CROCC2: variants seen among roughly 807,000 people sequenced by gnomAD.
CROCC2 encodes the protein ciliary rootlet coiled-coil, rootletin family member 2.
In CROCC2, 163 loss-of-function variants were observed where a neutral mutation model predicts 177.6. That is an observed-to-expected ratio of 0.92 (90% CI 0.81 to 1.05). The LOEUF (loss-of-function observed/expected upper bound fraction) is 1.05. Ranked by LOEUF, CROCC2 falls within the 50% of genes least tolerant of loss-of-function variation. The pLI is 0.00. For missense variants in CROCC2, 1,929 were observed against 1,797.8 expected (o/e 1.07, Z -1.32); for synonymous variants, 904 against 787.3 (o/e 1.15, Z -2.48).
At chr2:240,957,908 AC>A in intron 19 of CROCC2, 1 of 902,466 alleles carries the variant, frequency 1.1e-6, no homozygotes, top group Non-Finnish European at 1.3e-6. Context: ...GTGGGCAGGG[AC>A]CCAGGAAAGC....
intron 18 of CROCC2, chr2:240,954,642 G>A (rs1232402527): frequency 6.6e-6 from 1 of 152,260 alleles, no homozygotes; most frequent in Non-Finnish European, 1.5e-5. Flanking sequence ...TTTTATTGGG[G>A]TTTCACTGTG....
intron 3 of CROCC2, among the ~76,000 whole-genome samples, chr2:240,920,705 C>G (rs1445084581): frequency 2.0e-5 from 3 of 152,226 alleles, no homozygotes; most frequent in Non-Finnish European, 4.4e-5. Context: ...GGCTGTAGTG[C>G]CTTCCAGGGT....
chr2:240,989,631 A>G, intron 29 of CROCC2, 23 bp from the exon 30 acceptor site: 1 of 1,528,688 alleles, frequency 6.5e-7, no homozygotes, highest in Non-Finnish European at 8.8e-7. Context: ...GACAGCAGTG[A>G]GATGCCCAAG....
rs372304208 is a variant in CROCC2, at chr2:240,968,268, G to A, written c.4401+6G>A. ...AGGAGAAGCGGCGGCTGCAGGTGGGGCAGGCGGCAGGGTGGGTCCCAGGTG... is the reference window on the plus strand; with the variant it reads ...AGGAGAAGCGGCGGCTGCAGGTGGGACAGGCGGCAGGGTGGGTCCCAGGTG... On this transcript the variant is annotated splice_donor_region_variant and intron_variant, in intron 27 of 31. Coordinates refer to ENST00000690015, the MANE Select transcript of CROCC2 (RefSeq NM_001351305.2). 9.2e-6 allele frequency: 14 copies of A among 1,525,162 alleles called. No individual in the cohort carries two copies. The African/African-American group carries it at 9.6e-5, about 10-fold the overall frequency. The allele number at this position is 1,525,162 out of a possible 1,614,324, so 94.5% of individuals were successfully genotyped here.
chr2:240,922,101 G>T (rs979511848), intron 3 of CROCC2, among the ~76,000 whole-genome samples: 3 of 152,186 alleles, frequency 2.0e-5, no homozygotes, highest in South Asian at 2.1e-4. Flanking sequence ...CTGTGTGCCT[G>T]AACCAAGCCC....
chr2:240,915,505 A>G lies in CROCC2; in HGVS notation c.79-3221A>G, dbSNP rs148428744. On this transcript the variant is annotated intron_variant, in intron 1 of 31. Transcript: ENST00000690015. ...TGGATGGCCAACGCTCCCATTTCAC[A>G]GATGGGGACATGAGGTGGGGGGTAA... is the stretch of plus-strand genomic sequence containing the variant. 6.9e-3 allele frequency among the ~76,000 whole-genome samples: 1,055 copies of G among 152,320 alleles called. 6 individuals are homozygous for G. The highest frequency in any genetic ancestry group is 0.023 in the African/African-American group (950 of 41,582).
intron 27 of CROCC2, among the ~76,000 whole-genome samples, chr2:240,981,319 T>C (rs1175991746): frequency 6.6e-6 from 1 of 152,212 alleles, no homozygotes; most frequent in Non-Finnish European, 1.5e-5. Context: ...GGCTCATCCC[T>C]GAGCACTCAG....
chr2:240,935,200 T>A, intron 13 of CROCC2, 138 bp downstream of exon 13: 1 of 1,219,350 alleles, frequency 8.2e-7, no homozygotes, highest in Non-Finnish European at 1.1e-6. Context: ...CAAGGGAGCC[T>A]GACTAGCCCT....
At chr2:240,911,983 T>C (rs2059291663) in intron 1 of CROCC2, among the ~76,000 whole-genome samples, 1 of 152,162 alleles carries the variant, frequency 6.6e-6, no homozygotes, top group African/African-American at 2.4e-5. Context: ...AGCCTCTGCT[T>C]TCAATTCTTT....
chr2:240,931,228 G>A (rs547144489), intron 7 of CROCC2, 100 bp downstream of exon 7: 17 of 610,454 alleles, frequency 2.8e-5, no homozygotes, highest in African/African-American at 5.5e-5. Context: ...TGGTCACACC[G>A]TTCCAGGGCA....
In CROCC2 at chr2:240,955,960, G is replaced by A. The variant is rs1277511454; in HGVS notation, c.2931G>A (p.Gln977=). 3.3e-6 allele frequency: 5 copies of A among 1,534,398 alleles called. No individual in the cohort carries two copies. Among genetic ancestry groups the A allele is most frequent in the Non-Finnish European group, 4.4e-6 (5 of 1,146,846 alleles). The change falls in exon 19 of 32, where the codon CAG becomes CAA. Residue 977 remains glutamine, a synonymous_variant. Coordinates refer to ENST00000690015, the MANE Select transcript of CROCC2 (RefSeq NM_001351305.2). ...ERVQQEAQSQ[Q]EQAQATISAT... is the part of the protein sequence containing the mutation. The stretch of plus-strand genomic sequence containing the variant: ...TACAGCAGGAGGCACAGAGCCAGCA[G>A]GAGCAAGCGCAGGTGAGCCCCATGC...
intron 28 of CROCC2, 109 bp from the exon 29 acceptor site, chr2:240,988,620 CAGCTCTTAGG>C: frequency 9.1e-7 from 1 of 1,099,496 alleles, no homozygotes; most frequent in South Asian, 3.8e-5. Flanking sequence ...CTGACGCTGC[CAGCTCTTAGG>C]GGAATTCAGA....
chr2:240,931,552 G>T (rs2059431302), intron 7 of CROCC2, among the ~76,000 whole-genome samples: 1 of 152,220 alleles, frequency 6.6e-6, no homozygotes, highest in African/African-American at 2.4e-5. Context: ...CTCTCTGGGG[G>T]TCTATGAGCC....
At chr2:240,983,629 G>A (rs1023289502) in intron 28 of CROCC2, 2 of 1,284,118 alleles carry the variant, frequency 1.6e-6, no homozygotes, top group Non-Finnish European at 2.0e-6. Context: ...CCTGGCTGGG[G>A]TCCGCAGGGG....
chr2:240,910,093 G>A (rs1331508296), intron 1 of CROCC2, among the ~76,000 whole-genome samples: 2 of 152,078 alleles, frequency 1.3e-5, no homozygotes, highest in Non-Finnish European at 2.9e-5. Flanking sequence ...ACCCCAGAAT[G>A]CCCCCACCCT....
chr2:240,990,534 G>A (rs1381400484), intron 30 of CROCC2, among the ~76,000 whole-genome samples: 4 of 152,124 alleles, frequency 2.6e-5, no homozygotes, highest in African/African-American at 4.8e-5. Flanking sequence ...AAATTTATTA[G>A]CAAAAGGACA....
At chr2:240,981,588 A>T (rs1340648925) in intron 27 of CROCC2, 3 of 152,248 alleles carry the variant, frequency 2.0e-5, no homozygotes, top group African/African-American at 7.2e-5. Flanking sequence ...TAAAACTGCC[A>T]TGAAATATTT....
chr2:240,942,889 G>T (rs1250032802), intron 14 of CROCC2, among the ~76,000 whole-genome samples: 1 of 151,856 alleles, frequency 6.6e-6, no homozygotes, highest in Non-Finnish European at 1.5e-5. Flanking sequence ...TTTCAGATAG[G>T]ACTTTCAAAA....
intron 5 of CROCC2, among the ~76,000 whole-genome samples, chr2:240,928,608 C>T (rs1345926986): frequency 6.6e-6 from 1 of 152,248 alleles, no homozygotes; most frequent in Non-Finnish European, 1.5e-5. Flanking sequence ...CTGGCAGCCA[C>T]ACCTCCATGT....
Sources: gnomAD v4.1 joint callset for allele counts (sites outside exome capture counted in the v4.1 genomes callset) on GRCh38, gnomAD v4.1.1 for gene constraint, MANE v1.5 for transcripts, NCBI Gene and HGNC (gene_info 2026-07-23, HGNC 2026-07-21) for gene names.